Variants in BAIAP2 observed in about 807,000 individuals in gnomAD.
The protein encoded by BAIAP2 is BAR/IMD domain-containing adapter protein 2.
A neutral mutation model predicts 63.0 loss-of-function variants in BAIAP2; 18 were observed. The observed-to-expected ratio is 0.29, with a 90% confidence interval of 0.20 to 0.42. BAIAP2 has a LOEUF of 0.42. Among genes scored for constraint, BAIAP2 ranks in the 10% least tolerant of loss-of-function variants. The pLI is 1.00. For missense variants in BAIAP2, 610 were observed against 734.3 expected (o/e 0.83, Z 1.96); for synonymous variants, 386 against 307.6 (o/e 1.25, Z -2.67).
intron 3 of BAIAP2, among the ~76,000 whole-genome samples, chr17:81,073,673 T>C (rs548898751): frequency 2.2e-4 from 34 of 152,324 alleles, no homozygotes; most frequent in Middle Eastern, 3.4e-3. Flanking sequence ...CCAGTCTTTT[T>C]CACTGTCTCT....
intron 3 of BAIAP2, among the ~76,000 whole-genome samples, chr17:81,077,908 G>C (rs2053937499): frequency 6.6e-6 from 1 of 151,068 alleles, no homozygotes; most frequent in African/African-American, 2.4e-5. Context: ...GGCACTCTGG[G>C]TGCAGGTGCC....
intron 3 of BAIAP2, among the ~76,000 whole-genome samples, chr17:81,080,054 C>T (rs1469523790): frequency 6.6e-6 from 1 of 152,228 alleles, no homozygotes; most frequent in Non-Finnish European, 1.5e-5. Flanking sequence ...CTGAAGGACA[C>T]AGGCAACCGC....
chr17:81,057,973 A>AGGGGGGGG lies in BAIAP2; in HGVS notation c.217+6_217+7insGGGGGGGG. The AGGGGGGGG allele has an allele frequency of 1.3e-6, 1 of 764,940 alleles. No homozygotes were observed. Among genetic ancestry groups the AGGGGGGGG allele is most frequent in the Non-Finnish European group, 1.7e-6 (1 of 586,530 alleles). 47.4% of individuals were successfully genotyped at this position (764,940 alleles called of 1,614,324 possible). On this transcript the variant is annotated splice_region_variant and intron_variant, in intron 3 of 13. Transcript: ENST00000428708. The stretch of plus-strand genomic sequence containing the variant: ...CCAGGGCTCCAAAGAACTCGGTGAG[A>AGGGGGGGG]CCCCCCCCCCCCCCCCGCCTGGTAG...
intron 13 of BAIAP2, chr17:81,109,193 T>A (rs550774669): frequency 7.1e-7 from 1 of 1,402,008 alleles, no homozygotes; most frequent in Admixed American, 3.3e-5. Context: ...CCGCCCCCCC[T>A]CCCCTGTGTT....
At chr17:81,075,799 A>G (rs1297744475) in intron 3 of BAIAP2, among the ~76,000 whole-genome samples, 1 of 152,166 alleles carries the variant, frequency 6.6e-6, no homozygotes, top group Non-Finnish European at 1.5e-5. Flanking sequence ...CCGTGGGCAC[A>G]TTGGGGCCCC....
chr17:81,089,089 G>A (rs983440642), intron 6 of BAIAP2, among the ~76,000 whole-genome samples: 1 of 152,272 alleles, frequency 6.6e-6, no homozygotes, highest in Non-Finnish European at 1.5e-5. Context: ...CGGGTGGTGG[G>A]ATTTACTCCC....
chr17:81,071,086 A>G (rs1231200628), intron 3 of BAIAP2, among the ~76,000 whole-genome samples: 1 of 139,414 alleles, frequency 7.2e-6, no homozygotes, highest in East Asian at 2.1e-4. Context: ...TCACCATGGC[A>G]ACACAGACAT....
intron 3 of BAIAP2, among the ~76,000 whole-genome samples, chr17:81,061,760 T>C (rs2050593979): frequency 6.6e-6 from 1 of 152,152 alleles, no homozygotes. Context: ...TCTTTTTGTG[T>C]TTTTGTTCAC....
chr17:81,110,438 T>G (rs2059783022), intron 13 of BAIAP2: 1 of 993,430 alleles, frequency 1.0e-6, no homozygotes. Context: ...TCCTGTTTCC[T>G]TTCCTTTTTT....
intron 13 of BAIAP2, 51 bp downstream of exon 13, chr17:81,108,560 G>T (rs756834485): frequency 4.3e-6 from 7 of 1,609,774 alleles, no homozygotes; most frequent in Non-Finnish European, 5.9e-6. Context: ...GTGTGAAGAG[G>T]CCGGGTGGGG....
At chr17:81,069,298 C>T (rs1192374865) in intron 3 of BAIAP2, among the ~76,000 whole-genome samples, 1 of 152,208 alleles carries the variant, frequency 6.6e-6, no homozygotes, top group Non-Finnish European at 1.5e-5. Flanking sequence ...AGAGACTGAA[C>T]ACGTGCACAC....
Position 81,037,514 on chromosome 17 carries a change from G to A in BAIAP2, c.54+2206G>A, listed in dbSNP as rs571104357. On this transcript the variant is annotated intron_variant, in intron 1 of 13. Coordinates refer to ENST00000428708, the MANE Select transcript of BAIAP2 (RefSeq NM_001144888.2). ...GGCAGCTTTTGGCAATGTCAGCCAGGCAGAAACTCAGCCCACATGGAGACA... is the reference window on the plus strand; with the variant it reads ...GGCAGCTTTTGGCAATGTCAGCCAGACAGAAACTCAGCCCACATGGAGACA... Among the ~76,000 whole-genome samples the A allele has an allele frequency of 3.9e-5, 6 of 152,360 alleles. No individual in the cohort carries two copies. The East Asian group carries it at 1.2e-3, about 29-fold the overall frequency.
chr17:81,071,421 G>C (rs979916071), intron 3 of BAIAP2, among the ~76,000 whole-genome samples: 1 of 152,196 alleles, frequency 6.6e-6, no homozygotes, highest in Non-Finnish European at 1.5e-5. Flanking sequence ...GTGCCTTTGG[G>C]CTCTGGAAGC....
At position 81,082,305 on chromosome 17, in the gene BAIAP2, T is replaced by G. The variant is rs1598688248; in HGVS notation, c.218-2527T>G. On this transcript the variant is annotated intron_variant, in intron 3 of 13. Coordinates refer to ENST00000428708, the MANE Select transcript of BAIAP2 (RefSeq NM_001144888.2). ...ACATAGGTAGACATGCACGCACATA[T>G]GTGCTCATGCCCGCACACATATGTG... 3.3e-5 allele frequency among the ~76,000 whole-genome samples: 5 copies of G among 152,316 alleles called. No individual in the cohort carries two copies. In the South Asian group the frequency reaches 8.3e-4, roughly 25 times the overall value.
chr17:81,103,750 C>T (rs1258188000), intron 8 of BAIAP2, 27 bp downstream of exon 8: 2 of 1,586,304 alleles, frequency 1.3e-6, no homozygotes, highest in Non-Finnish European at 1.7e-6. Flanking sequence ...TGGAAAGCTT[C>T]ACGGGTGTGG....
At chr17:81,080,158 C>T (rs1207473965) in intron 3 of BAIAP2, among the ~76,000 whole-genome samples, 1 of 152,210 alleles carries the variant, frequency 6.6e-6, no homozygotes, top group African/African-American at 2.4e-5. Context: ...GGGCCTGGTG[C>T]TCCATGTGCC....
At position 81,110,561 on chromosome 17, in the gene BAIAP2, G is replaced by T. The variant is rs921947005; in HGVS notation, c.1535+2052G>T. On this transcript the variant is annotated intron_variant, in intron 13 of 13. Transcript: ENST00000428708. ...CCGGTTCCCGGCGTGCGTCTTTGCC[G>T]TGGGGGCCCCGCCTTGTGCCCACCT... The T allele has an allele frequency of 6.9e-6, 8 of 1,154,290 alleles. No individual in the cohort carries two copies. The African/African-American group carries it at 1.3e-4, about 18-fold the overall frequency. The allele number at this position is 1,154,290 out of a possible 1,614,324, so 71.5% of individuals were successfully genotyped here. A position where few individuals can be genotyped will look rare whatever the true frequency, so the allele number is the denominator to read the frequency against.
At chr17:81,102,240 G>A (rs1244967781) in intron 7 of BAIAP2, among the ~76,000 whole-genome samples, 1 of 152,146 alleles carries the variant, frequency 6.6e-6, no homozygotes, top group African/African-American at 2.4e-5. Flanking sequence ...GCTTGGGTTT[G>A]GGCCTGCCTC....
chr17:81,063,571 G>A (rs569836510), intron 3 of BAIAP2, among the ~76,000 whole-genome samples: 3 of 152,194 alleles, frequency 2.0e-5, no homozygotes, highest in Admixed American at 6.5e-5. Flanking sequence ...TGAAGGAGGC[G>A]TTCGTCTCAC....
Sources: gnomAD v4.1 joint callset for allele counts (sites outside exome capture counted in the v4.1 genomes callset) on GRCh38, gnomAD v4.1.1 for gene constraint, MANE v1.5 for transcripts, NCBI Gene and HGNC (gene_info 2026-07-23, HGNC 2026-07-21) for gene names.